Variants in PCDHGA5 observed in about 807,000 individuals in gnomAD.
PCDHGA5 encodes protocadherin gamma-A5.
Under a neutral mutation model 56.7 loss-of-function variants are expected in PCDHGA5, and 36 were observed. The ratio of observed to expected loss-of-function variants is 0.64; its 90% CI spans 0.49 to 0.84. The LOEUF is 0.84. PCDHGA5 is among the 40% of genes least tolerant of loss of function. The pLI, the probability that PCDHGA5 is intolerant of heterozygous loss-of-function variation, is 0.00. For missense variants in PCDHGA5, 1,305 were observed against 1,201.5 expected (o/e 1.09, Z -1.27); for synonymous variants, 563 against 520.2 (o/e 1.08, Z -1.12).
intron 1 of PCDHGA5, chr5:141,382,970 G>A (rs776231859): frequency 1.9e-6 from 3 of 1,609,444 alleles, no homozygotes; most frequent in Non-Finnish European, 2.5e-6. Context: ...GGGACCCCCT[G>A]GGAAGCCTGG....
chr5:141,501,130 G>C (rs528942194), intron 2 of PCDHGA5, among the ~76,000 whole-genome samples: 1 of 152,218 alleles, frequency 6.6e-6, no homozygotes, highest in South Asian at 2.1e-4. Flanking sequence ...GCCTCCCTAA[G>C]TGCTGGGATT....
intron 1 of PCDHGA5, among the ~76,000 whole-genome samples, chr5:141,457,698 G>C (rs1008393847): frequency 7.9e-5 from 12 of 152,234 alleles, no homozygotes; most frequent in Admixed American, 5.2e-4. Flanking sequence ...GATTGGCTTT[G>C]ATGAAACACT....
At chr5:141,387,999 G>A (rs923312530) in intron 1 of PCDHGA5, 2 of 1,487,266 alleles carry the variant, frequency 1.3e-6, no homozygotes, top group Non-Finnish European at 1.8e-6. Flanking sequence ...CAGGATTCCC[G>A]AGGAAATGCC....
Position 141,366,685 on chromosome 5 carries a change from T to C in PCDHGA5, c.2355T>C (p.Cys785=), listed in dbSNP as rs1764741162. The C allele has an allele frequency of 1.9e-6, 3 of 1,614,116 alleles. No homozygotes were observed. The highest frequency in any genetic ancestry group is 2.7e-5 in the African/African-American group (2 of 74,938). ...ACACGCTCCTTAGTGAAGAGAGCTG[T>C]GAGAAAAGCGAGCCTCTTCTGATGT... ...YADTLLSEES[C]EKSEPLLMSD... Residue 785 remains cysteine (C), a synonymous_variant, in exon 1 of 4, where the codon TGT becomes TGC. Coordinates refer to ENST00000518069, the MANE Select transcript of PCDHGA5 (RefSeq NM_018918.3).
chr5:141,375,822 G>T, intron 1 of PCDHGA5: 6 of 1,614,140 alleles, frequency 3.7e-6, no homozygotes, highest in Non-Finnish European at 5.1e-6. Flanking sequence ...CTGGCGCCCC[G>T]CTCCGCAGAG....
intron 1 of PCDHGA5, chr5:141,409,714 CG>C: frequency 6.2e-7 from 1 of 1,613,226 alleles, no homozygotes; most frequent in Non-Finnish European, 8.5e-7. Flanking sequence ...TGTCGTCATA[CG>C]TGTCAGTGAG....
rs753202774 is a variant in PCDHGA5, at chr5:141,487,875, C to A, written c.2422-6932C>A. 33 of 828,628 alleles carry A rather than the reference C, an allele frequency of 4.0e-5. No individual in the cohort carries two copies. Among genetic ancestry groups the A allele is most frequent in the Non-Finnish European group, 5.8e-5 (31 of 536,030 alleles). The allele number at this position is 828,628 out of a possible 1,614,324, so 51.3% of individuals were successfully genotyped here. A position where few individuals can be genotyped will look rare whatever the true frequency, so the allele number is the denominator to read the frequency against. The stretch of plus-strand genomic sequence containing the variant: ...AAGTAATTGGTGATCAAGAGCCAGG[C>A]TGTTGTGGAAGCATGATGATGGAAT... On this transcript the variant is annotated intron_variant, in intron 1 of 3. Coordinates refer to ENST00000518069, the MANE Select transcript of PCDHGA5 (RefSeq NM_018918.3). The surrounding 1 kb of genome is among the most constrained non-coding windows in gnomAD (Gnocchi z 5.0).
chr5:141,476,062 A>G lies in PCDHGA5; in HGVS notation c.2422-18745A>G, dbSNP rs2099384587. On this transcript the variant is annotated intron_variant, in intron 1 of 3. Coordinates refer to ENST00000518069, the MANE Select transcript of PCDHGA5 (RefSeq NM_018918.3). This position sits in a 1 kb window ranked among gnomAD's most constrained non-coding sequence, Gnocchi z 7.6. ...AGCGCTAACCCGCTGAAAGTTTCTC[A>G]GCGAAATCTCAGGGACGATCTGGAC... The G allele has an allele frequency of 1.8e-5, 27 of 1,509,766 alleles. No individual in the cohort carries two copies. Among genetic ancestry groups the G allele is most frequent in the Non-Finnish European group, 2.3e-5 (26 of 1,136,920 alleles). The allele number at this position is 1,509,766 out of a possible 1,614,324, so 93.5% of individuals were successfully genotyped here.
intron 1 of PCDHGA5, chr5:141,375,758 G>C (rs1473514742): frequency 1.2e-6 from 2 of 1,614,230 alleles, no homozygotes; most frequent in East Asian, 2.2e-5. Flanking sequence ...GAATGACAAT[G>C]CGCCCGAGAT....
At chr5:141,393,671 A>G in intron 1 of PCDHGA5, 1 of 1,613,944 alleles carries the variant, frequency 6.2e-7, no homozygotes, top group Non-Finnish European at 8.5e-7. Flanking sequence ...AAATTAATGA[A>G]AAACAAACTC....
intron 1 of PCDHGA5, chr5:141,403,705 C>T: frequency 6.2e-7 from 1 of 1,613,894 alleles, no homozygotes; most frequent in Non-Finnish European, 8.5e-7. Context: ...GAGTTAAAGT[C>T]CTTGAGAACG....
chr5:141,423,531 C>T, intron 1 of PCDHGA5: 1 of 1,613,736 alleles, frequency 6.2e-7, no homozygotes, highest in South Asian at 1.1e-5. Context: ...AGAAGAGTCA[C>T]CTGATTTTCC....
At position 141,485,331 on chromosome 5, in the gene PCDHGA5, T is replaced by G; in HGVS notation, c.2422-9476T>G. 6.2e-7 allele frequency: 1 copy of G among 1,614,166 alleles called. No individual in the cohort carries two copies. Among genetic ancestry groups the G allele is most frequent in the Admixed American group, 1.7e-5 (1 of 60,022 alleles). Reference sequence around the variant, plus strand: ...GTAGGGAATGTCGCTCAAGATTTCCTGCTGGATACGGACAGTCTGTCAGCT... The same window carrying G: ...GTAGGGAATGTCGCTCAAGATTTCCGGCTGGATACGGACAGTCTGTCAGCT... On this transcript the variant is annotated intron_variant, in intron 1 of 3. Coordinates refer to ENST00000518069, the MANE Select transcript of PCDHGA5 (RefSeq NM_018918.3). The surrounding 1 kb of genome is among the most constrained non-coding windows in gnomAD (Gnocchi z 5.7).
chr5:141,506,177 G>T (rs1024892091), intron 3 of PCDHGA5, among the ~76,000 whole-genome samples: 4 of 152,142 alleles, frequency 2.6e-5, no homozygotes, highest in African/African-American at 9.7e-5. Context: ...TAAGCTGGGC[G>T]TGGTGGCTCA....
At chr5:141,447,280 C>T (rs2098533193) in intron 1 of PCDHGA5, among the ~76,000 whole-genome samples, 1 of 152,172 alleles carries the variant, frequency 6.6e-6, no homozygotes, top group Non-Finnish European at 1.5e-5. Context: ...GCTGGGACTA[C>T]AGGCACATGC....
At chr5:141,417,826 A>T in intron 1 of PCDHGA5, 1 of 1,519,618 alleles carries the variant, frequency 6.6e-7, no homozygotes. Flanking sequence ...CTCCAACTGG[A>T]AAAGCGGGGA....
chr5:141,487,593 C>G lies in PCDHGA5; in HGVS notation c.2422-7214C>G. The G allele has an allele frequency of 6.2e-7, 1 of 1,614,206 alleles. No homozygotes were observed. Among genetic ancestry groups the G allele is most frequent in the African/African-American group, 1.3e-5 (1 of 75,062 alleles). On this transcript the variant is annotated intron_variant, in intron 1 of 3. Coordinates refer to ENST00000518069, the MANE Select transcript of PCDHGA5 (RefSeq NM_018918.3). This position sits in a 1 kb window ranked among gnomAD's most constrained non-coding sequence, Gnocchi z 5.0. ...CCTGTTCGCCCAAGCTGCCCACCCT[C>G]TGATCTTCTCTATGGGCTAGAGGTG...
In PCDHGA5 at chr5:141,431,543, C is replaced by T. The variant is rs1334234544; in HGVS notation, c.2422-63264C>T. The T allele has an allele frequency of 1.9e-6, 3 of 1,614,128 alleles. No individual in the cohort carries two copies. The highest frequency in any genetic ancestry group is 2.5e-6 in the Non-Finnish European group (3 of 1,180,036). ...GAATCTGGCCTTGGGCACGCAGCTGCTTGTAGTCAACGCTACCGACCCTGA... is the reference window on the plus strand; with the variant it reads ...GAATCTGGCCTTGGGCACGCAGCTGTTTGTAGTCAACGCTACCGACCCTGA... On this transcript the variant is annotated intron_variant, in intron 1 of 3. Transcript: ENST00000518069. This position sits in a 1 kb window ranked among gnomAD's most constrained non-coding sequence, Gnocchi z 4.8.
chr5:141,400,858 G>A (rs1332975731), intron 1 of PCDHGA5, among the ~76,000 whole-genome samples: 1 of 152,108 alleles, frequency 6.6e-6, no homozygotes, highest in Non-Finnish European at 1.5e-5. Context: ...TTTATTGTAT[G>A]TAGATAAACC....
Sources: allele counts gnomAD v4.1 joint callset (sites outside exome capture counted in the v4.1 genomes callset), GRCh38; gene constraint gnomAD v4.1.1; non-coding constraint Gnocchi (gnomAD v3.1); transcripts MANE v1.5; gene names NCBI Gene and HGNC (gene_info 2026-07-23, HGNC 2026-07-21).